The following EXT2 variants were observed in gnomAD, a reference collection of about 807,000 sequenced individuals.
The protein encoded by EXT2 is exostosin glycosyltransferase 2.
Under a neutral mutation model 81.6 loss-of-function variants are expected in EXT2, and 53 were observed. That is an observed-to-expected ratio of 0.65 (90% CI 0.52 to 0.82). EXT2 has a LOEUF of 0.82. EXT2 is among the 40% of genes least tolerant of loss of function. The pLI, the probability that EXT2 is intolerant of heterozygous loss-of-function variation, is 0.00. For synonymous variants in EXT2, 320 were observed against 340.0 expected (o/e 0.94, Z 0.65); for missense variants, 774 against 910.2 (o/e 0.85, Z 1.93).
At chr11:44,234,382 T>C (rs1955936169) in intron 12 of EXT2, 139 bp downstream of exon 12, 1 of 830,396 alleles carries the variant, frequency 1.2e-6, no homozygotes, top group South Asian at 1.5e-5. Flanking sequence ...GTTCTATGAT[T>C]GATGCGGTCA....
intron 7 of EXT2, among the ~76,000 whole-genome samples, chr11:44,156,403 A>C (rs535214564): frequency 6.6e-6 from 1 of 152,238 alleles, no homozygotes; most frequent in South Asian, 2.1e-4. Flanking sequence ...TCTTGTAGGC[A>C]TGCTTCATTC....
At chr11:44,138,989 C>T (rs1954608295) in intron 7 of EXT2, among the ~76,000 whole-genome samples, 1 of 152,124 alleles carries the variant, frequency 6.6e-6, no homozygotes, top group Non-Finnish European at 1.5e-5. Flanking sequence ...TAAAGAACCA[C>T]AGTAAGTTAC....
At chr11:44,204,000 C>T (rs1193458364) in intron 9 of EXT2, among the ~76,000 whole-genome samples, 1 of 152,164 alleles carries the variant, frequency 6.6e-6, no homozygotes, top group East Asian at 1.9e-4. Flanking sequence ...TGTAGAAAGC[C>T]TGGATACAGA....
intron 1 of EXT2, chr11:44,104,628 C>G (rs1383559245): frequency 6.6e-6 from 1 of 152,178 alleles, no homozygotes; most frequent in African/African-American, 2.4e-5. Context: ...TGTTGGGGAA[C>G]CACTGATTCA....
At chr11:44,172,583 CT>C (rs35070892) in intron 8 of EXT2, among the ~76,000 whole-genome samples, 79,712 of 107,188 alleles carry the variant, frequency 0.74, 29,490 homozygotes, top group East Asian at 0.89. Flanking sequence ...TCTACCTTTT[CT>C]TTTTTTTTTT....
intron 4 of EXT2, among the ~76,000 whole-genome samples, chr11:44,117,096 A>C (rs1954232989): frequency 6.6e-6 from 1 of 151,800 alleles, no homozygotes; most frequent in South Asian, 2.1e-4. Context: ...CAACCTCCCA[A>C]GTAGCTGGGA....
chr11:44,244,435 A>C lies in EXT2; in HGVS notation c.*148A>C. 4 of 742,902 alleles carry C rather than the reference A, an allele frequency of 5.4e-6. No homozygotes were observed. Among genetic ancestry groups the C allele is most frequent in the Non-Finnish European group, 9.2e-6 (4 of 435,910 alleles). 46.0% of individuals were successfully genotyped at this position (742,902 alleles called of 1,614,324 possible). ...ATGCACCCACCTAACCCACTTTCTCAAGAACAAGAACCTAGAATGAATATC... is the reference window on the plus strand; with the variant it reads ...ATGCACCCACCTAACCCACTTTCTCCAGAACAAGAACCTAGAATGAATATC... On this transcript the variant is annotated 3_prime_UTR_variant, in exon 14 of 14. Transcript: ENST00000533608.
chr11:44,117,747 A>C (rs1038161700), intron 4 of EXT2, among the ~76,000 whole-genome samples: 1 of 152,106 alleles, frequency 6.6e-6, no homozygotes, highest in Non-Finnish European at 1.5e-5. Flanking sequence ...TAAGTTCTCC[A>C]ACTTTGTTCT....
Position 44,106,866 on chromosome 11 carries a change from T to C in EXT2, c.-30-817T>C, listed in dbSNP as rs548216034. Among the ~76,000 whole-genome samples the C allele has an allele frequency of 5.3e-5, 8 of 152,312 alleles. No homozygotes were observed. In the South Asian group the frequency reaches 1.7e-3, roughly 32 times the overall value. ...CTGGTCTTGAATTCCTGACCTCAGG[T>C]GATCCACCCATCTTGGCCTCCCAAG... On this transcript the variant is annotated intron_variant, in intron 1 of 13. Transcript: ENST00000533608.
In EXT2 at chr11:44,201,850, T is replaced by C. The variant is rs186949018; in HGVS notation, c.1495+3832T>C. 2.5e-3 allele frequency among the ~76,000 whole-genome samples: 379 copies of C among 152,342 alleles called. 4 individuals carry two copies. The highest frequency in any genetic ancestry group is 3.3e-3 in the Non-Finnish European group (227 of 68,026). On this transcript the variant is annotated intron_variant, in intron 9 of 13. Transcript: ENST00000533608. ...CAGAATCAAAATTCCATATCAGGATTATCTAAAGGCAGGATATAATTTTAA... is the reference window on the plus strand; with the variant it reads ...CAGAATCAAAATTCCATATCAGGATCATCTAAAGGCAGGATATAATTTTAA...
chr11:44,188,840 CAGA>C (rs1440039969), intron 8 of EXT2, among the ~76,000 whole-genome samples: 1 of 152,038 alleles, frequency 6.6e-6, no homozygotes, highest in Non-Finnish European at 1.5e-5. Context: ...AGCTGAGTTC[CAGA>C]AGAAGAGGTG....
intron 7 of EXT2, among the ~76,000 whole-genome samples, chr11:44,169,081 G>A (rs1486948278): frequency 4.6e-5 from 7 of 152,020 alleles, no homozygotes; most frequent in East Asian, 1.9e-4. Flanking sequence ...TTAGCCAGGC[G>A]TGGTGGTGCG....
At position 44,096,384 on chromosome 11, in the gene EXT2, G is replaced by C. The variant is rs931334983; in HGVS notation, c.-31+532G>C. 27 of 1,476,792 alleles carry C rather than the reference G, an allele frequency of 1.8e-5. No homozygotes were observed. The South Asian group carries it at 2.7e-4, about 15-fold the overall frequency. The allele number at this position is 1,476,792 out of a possible 1,614,324, so 91.5% of individuals were successfully genotyped here. On this transcript the variant is annotated intron_variant, in intron 1 of 13. Transcript: ENST00000533608. ...GGGTGGTCGGGGGCGTGTTAGGCCG[G>C]GGACTGGGTGACCGGGAACTAGATG...
rs1248846796 is a variant in EXT2, at chr11:44,249,415, A to C, written c.*5128A>C. Among the ~76,000 whole-genome samples the C allele has an allele frequency of 6.6e-6, 1 of 152,212 alleles. No individual in the cohort carries two copies. The highest frequency in any genetic ancestry group is 1.5e-5 in the Non-Finnish European group (1 of 68,044). On this transcript the variant is annotated 3_prime_UTR_variant, in exon 14 of 14. Transcript: ENST00000533608. ...GACAGAAGACAAGGTAGTTCTCAAG[A>C]AGTACCAGGCAGCTGTGTCTGCTAG...
In EXT2 at chr11:44,107,838, G is replaced by A. The variant is rs2134965723; in HGVS notation, c.126G>A (p.Met42Ile). ...IVLLGLIATG[M>I]FQFWPHSIES... ...TCCTGGGCCTCATTGCCACTGGCAT[G>A]TTTCAGTTTTGGCCCCATTCTATCG... Residue 42 changes from methionine to isoleucine, a missense_variant, in exon 2 of 14, where the codon ATG (methionine) becomes ATA (isoleucine). Physicochemically the swap from Met to Ile is conservative, Grantham distance 10. Coordinates refer to ENST00000533608, the MANE Select transcript of EXT2 (RefSeq NM_207122.2). 6.2e-7 allele frequency: 1 copy of A among 1,614,154 alleles called. No individual in the cohort carries two copies. The highest frequency in any genetic ancestry group is 8.5e-7 in the Non-Finnish European group (1 of 1,180,042).
At chr11:44,204,528 A>G (rs1189933455) in intron 9 of EXT2, among the ~76,000 whole-genome samples, 1 of 152,208 alleles carries the variant, frequency 6.6e-6, no homozygotes, top group Non-Finnish European at 1.5e-5. Flanking sequence ...TTTAGATGTT[A>G]CAGGGCGGGG....
chr11:44,173,607 C>T (rs186340711), intron 8 of EXT2, among the ~76,000 whole-genome samples: 6 of 126,540 alleles, frequency 4.7e-5, no homozygotes, highest in Admixed American at 4.0e-4. Flanking sequence ...CTCGCTCTGT[C>T]GCCCAGGCTG....
At chr11:44,200,868 T>C (rs1408513580) in intron 9 of EXT2, among the ~76,000 whole-genome samples, 3 of 152,150 alleles carry the variant, frequency 2.0e-5, no homozygotes, top group African/African-American at 7.2e-5. Flanking sequence ...TGGAGAAAAA[T>C]GTCTTTGCTC....
At position 44,250,660 on chromosome 11, in the gene EXT2, T is replaced by C. The variant is rs1185731037; in HGVS notation, c.*6373T>C. ...TGTTTATTTTCTTATGTTATTGAAA[T>C]GAGCACTTGTGATTTGGGCCTCTTT... On this transcript the variant is annotated 3_prime_UTR_variant, in exon 14 of 14. Coordinates refer to ENST00000533608, the MANE Select transcript of EXT2 (RefSeq NM_207122.2). Among the ~76,000 whole-genome samples the C allele has an allele frequency of 2.0e-5, 3 of 152,206 alleles. No homozygotes were observed. The highest frequency in any genetic ancestry group is 2.9e-5 in the Non-Finnish European group (2 of 68,026).
Sources: gnomAD v4.1 joint callset for allele counts (sites outside exome capture counted in the v4.1 genomes callset) on GRCh38, gnomAD v4.1.1 for gene constraint, MANE v1.5 for transcripts, NCBI Gene and HGNC (gene_info 2026-07-23, HGNC 2026-07-21) for gene names.